MAP6: variants seen among roughly 807,000 people sequenced by gnomAD.
MAP6 encodes microtubule associated protein 6.
MAP6 carries 26 observed loss-of-function variants against 42.4 expected under a neutral mutation model. The ratio of observed to expected loss-of-function variants is 0.61; its 90% confidence interval spans 0.45 to 0.85. The LOEUF is 0.85. Among genes scored for constraint, MAP6 ranks in the 40% least tolerant of loss-of-function variants. The pLI is 0.00. For missense variants in MAP6, 966 were observed against 1,099.0 expected (o/e 0.88, Z 1.71); for synonymous variants, 418 against 443.8 (o/e 0.94, Z 0.73).
At chr11:75,603,135 G>A (rs1942695949) in intron 3 of MAP6, 1 of 985,422 alleles carries the variant, frequency 1.0e-6, no homozygotes, top group African/African-American at 1.7e-5. Flanking sequence ...GGACCGAATG[G>A]GAGCACAGAC....
At chr11:75,599,153 G>C (rs891210159) in intron 3 of MAP6, 1 of 152,306 alleles carries the variant, frequency 6.6e-6, no homozygotes, top group South Asian at 2.1e-4. Flanking sequence ...GTAGCAAGCA[G>C]TGGCAGTAAC....
intron 3 of MAP6, among the ~76,000 whole-genome samples, chr11:75,589,700 ATTACTC>A (rs1942441899): frequency 6.6e-6 from 1 of 152,142 alleles, no homozygotes; most frequent in Non-Finnish European, 1.5e-5. Flanking sequence ...GACTATTACT[ATTACTC>A]TATTTATTGG....
chr11:75,663,908 C>G (rs1943898998), intron 1 of MAP6, among the ~76,000 whole-genome samples: 1 of 152,186 alleles, frequency 6.6e-6, no homozygotes, highest in South Asian at 2.1e-4. Flanking sequence ...AAGTATTTCA[C>G]CCTGGTTTAT....
rs1259914402 is a variant in MAP6, at chr11:75,605,861, T to TG, written c.1262dup (p.Asp422ArgfsTer12). 6.2e-7 allele frequency: 1 copy of TG among 1,614,224 alleles called. No individual in the cohort carries two copies. The highest frequency in any genetic ancestry group is 1.7e-5 in the Admixed American group (1 of 60,032). On this transcript the variant is annotated frameshift_variant, in exon 3 of 4. Transcript: ENST00000304771. LOFTEE classifies it high-confidence loss of function. ...TCTCTTTGCTTTGCTCCTTGTCGTCTGGCTTGGTGGTACTCGGGCCCTCCG... is the reference window on the plus strand; with the variant it reads ...TCTCTTTGCTTTGCTCCTTGTCGTCTGGGCTTGGTGGTACTCGGGCCCTCCG...
intron 1 of MAP6, among the ~76,000 whole-genome samples, chr11:75,652,292 C>T (rs374032755): frequency 6.6e-6 from 1 of 152,118 alleles, no homozygotes; most frequent in African/African-American, 2.4e-5. Flanking sequence ...GCTTGTCTCC[C>T]ACCATGTCAC....
intron 1 of MAP6, among the ~76,000 whole-genome samples, chr11:75,637,701 C>A (rs1943390737): frequency 6.6e-6 from 1 of 151,504 alleles, no homozygotes; most frequent in African/African-American, 2.4e-5. Flanking sequence ...GGACAGATTA[C>A]TTATAAAACT....
chr11:75,588,316 T>C (rs1350651928), intron 3 of MAP6, 132 bp from the exon 4 acceptor site: 1 of 727,938 alleles, frequency 1.4e-6, no homozygotes, highest in Non-Finnish European at 2.2e-6. Context: ...GCCAGGAGAA[T>C]ATGATTTCTG....
intron 1 of MAP6, among the ~76,000 whole-genome samples, chr11:75,648,622 T>C (rs540491142): frequency 2.6e-5 from 4 of 152,298 alleles, no homozygotes; most frequent in African/African-American, 9.6e-5. Context: ...AGGCAAGGAC[T>C]AAGTCCACTG....
intron 1 of MAP6, among the ~76,000 whole-genome samples, chr11:75,647,035 C>T (rs1943565015): frequency 6.7e-6 from 1 of 150,100 alleles, no homozygotes; most frequent in Non-Finnish European, 1.5e-5. Flanking sequence ...GGCTGGAGTG[C>T]AGTGACATGA....
intron 1 of MAP6, among the ~76,000 whole-genome samples, chr11:75,609,588 G>GA (rs536589885): frequency 8.4e-4 from 128 of 152,356 alleles, no homozygotes; most frequent in African/African-American, 3.0e-3. Context: ...TTTGTAAAAT[G>GA]AAAGAATTAG....
chr11:75,635,890 A>T (rs975897327), intron 1 of MAP6: 1 of 152,262 alleles, frequency 6.6e-6, no homozygotes, highest in Non-Finnish European at 1.5e-5. Context: ...GAAAGGCTAC[A>T]GTTGTTTTAT....
At chr11:75,660,311 G>A (rs180776160) in intron 1 of MAP6, among the ~76,000 whole-genome samples, 4 of 152,168 alleles carry the variant, frequency 2.6e-5, no homozygotes, top group Non-Finnish European at 1.5e-5. Flanking sequence ...TATATTTACA[G>A]CCCAGGCCTC....
At position 75,608,306 on chromosome 11, in the gene MAP6, A is replaced by G. The variant is rs750712083; in HGVS notation, c.922T>C (p.Trp308Arg). The G allele has an allele frequency of 1.4e-5, 23 of 1,614,026 alleles. No homozygotes were observed. The change falls in exon 2 of 4, where the codon TGG (tryptophan) becomes CGG (arginine). Residue 308 changes from tryptophan to arginine, a missense_variant. Physicochemically the swap from Trp to Arg is moderately radical, Grantham distance 101. Coordinates refer to ENST00000304771, the MANE Select transcript of MAP6 (RefSeq NM_033063.2). ...GGTTTCACAGGCTTGATGTCCGTCC[A>G]TGCCCTGAATTCATTCCTGTTAGTC... is the stretch of plus-strand genomic sequence containing the variant. ...SSSYRNEFRA[W>R]TDIKPVKPIK... is the part of the protein sequence containing the mutation.
chr11:75,617,132 C>A (rs1943008825), intron 1 of MAP6, among the ~76,000 whole-genome samples: 1 of 152,100 alleles, frequency 6.6e-6, no homozygotes, highest in African/African-American at 2.4e-5. Flanking sequence ...CTTAGAGGCC[C>A]TTGTGCATCT....
At chr11:75,624,831 G>C (rs1943169564) in intron 1 of MAP6, among the ~76,000 whole-genome samples, 1 of 152,162 alleles carries the variant, frequency 6.6e-6, no homozygotes, top group Admixed American at 6.5e-5. Flanking sequence ...AGTGCCTACT[G>C]AACACACTTT....
rs190402639 is a variant in MAP6 at position 75,598,521 on chromosome 11, C to A, written c.1316+7287G>T. Among the ~76,000 whole-genome samples, 541 of 152,330 alleles carry A rather than the reference C, an allele frequency of 3.6e-3. 5 individuals are homozygous for A. The highest frequency in any genetic ancestry group is 0.01 in the Middle Eastern group (3 of 294). ...TATGCAGGCCTGAACAGAGGCCAGC[C>A]AGTATAAAACCAGCCATTGACTGCT... On this transcript the variant is annotated intron_variant, in intron 3 of 3. Coordinates refer to ENST00000304771, the MANE Select transcript of MAP6 (RefSeq NM_033063.2).
chr11:75,608,264 G>T lies in MAP6; in HGVS notation c.964C>A (p.Gln322Lys). Residue 322 changes from glutamine (Q) to lysine (K), a missense_variant, in exon 2 of 4, where the codon CAG (glutamine) becomes AAG (lysine). By Grantham distance (53) the Gln-to-Lys change is moderately conservative. Around this residue, in one of 2 missense-constraint regions of MAP6, gnomAD observed 943 missense variants for 1,049.9 expected, o/e 0.90. Transcript: ENST00000304771. ...KPVKPIKAKP[Q>K]YKPPDDKMVH... is the part of the protein sequence containing the mutation. The stretch of plus-strand genomic sequence containing the variant: ...ATCTTATCATCTGGGGGCTTGTACT[G>T]GGGCTTGGCCTTTATTGGTTTCACA... 2 of 1,614,184 alleles carry T rather than the reference G, an allele frequency of 1.2e-6. No homozygotes were observed. The highest frequency in any genetic ancestry group is 1.7e-6 in the Non-Finnish European group (2 of 1,180,026).
rs540552426 is a variant in MAP6 at position 75,641,404 on chromosome 11, A to G, written c.905+26061T>C. On this transcript the variant is annotated intron_variant, in intron 1 of 3. Transcript: ENST00000304771. ...TATTAAATGACGAGTTAATGGGTGC[A>G]GCACACCAACTCGACACATGTATAC... Among the ~76,000 whole-genome samples the G allele has an allele frequency of 5.3e-5, 8 of 152,192 alleles. No homozygotes were observed. The South Asian group carries it at 1.7e-3, about 32-fold the overall frequency.
At position 75,607,484 on chromosome 11, in the gene MAP6, T is replaced by C. The variant is rs528515329; in HGVS notation, c.1119+625A>G. On this transcript the variant is annotated intron_variant, in intron 2 of 3. Coordinates refer to ENST00000304771, the MANE Select transcript of MAP6 (RefSeq NM_033063.2). ...AACTCCTATGTAAGGTGGAGGAATGTTACCTTAGGAAAATCCTTGAGTCCA... is the reference window on the plus strand; with the variant it reads ...AACTCCTATGTAAGGTGGAGGAATGCTACCTTAGGAAAATCCTTGAGTCCA... 3.9e-5 allele frequency: 38 copies of C among 985,466 alleles called. No individual in the cohort carries two copies. In the African/African-American group the frequency reaches 6.3e-4, roughly 16 times the overall value. 61.0% of individuals were successfully genotyped at this position (985,466 alleles called of 1,614,324 possible). A position where few individuals can be genotyped will look rare whatever the true frequency, so the allele number is the denominator to read the frequency against.
Sources: allele counts gnomAD v4.1 joint callset (sites outside exome capture counted in the v4.1 genomes callset), GRCh38; gene constraint gnomAD v4.1.1; regional missense constraint gnomAD v4.1.1; transcripts MANE v1.5; gene names NCBI Gene and HGNC (gene_info 2026-07-23, HGNC 2026-07-21).